TMEM17: variants seen among roughly 807,000 people sequenced by gnomAD.
The protein encoded by TMEM17 is transmembrane protein 17.
TMEM17 carries 15 observed loss-of-function variants against 19.1 expected under a neutral mutation model. The ratio of observed to expected loss-of-function variants is 0.78; its 90% CI spans 0.52 to 1.21. The LOEUF (loss-of-function observed/expected upper bound fraction) is 1.21, where lower values mean the gene tolerates loss of function less well. Among genes scored for constraint, TMEM17 ranks in the 50% most tolerant of loss-of-function variants. The probability of loss-of-function intolerance (pLI) is 0.00; values close to 1 mark genes in which losing one functional copy is unlikely to be tolerated. For synonymous variants in TMEM17, 103 were observed against 86.9 expected, an observed-to-expected ratio of 1.19 and a Z score of -1.03; for missense variants, 245 against 242.3, an observed-to-expected ratio of 1.01 and a Z score of -0.07.
chr2:62,453,996 C>T, the TMEM17 span, among the ~76,000 whole-genome samples: 1 of 152,248 alleles, frequency 6.6e-6, no homozygotes, highest in Non-Finnish European at 1.5e-5. Flanking sequence ...ACATTCTCTG[C>T]AGTGCCAGGC....
At chr2:62,474,900 A>G in the TMEM17 span, among the ~76,000 whole-genome samples, 3 of 152,290 alleles carry the variant, frequency 2.0e-5, no homozygotes, top group Admixed American at 1.3e-4. Flanking sequence ...AACTTCAGAT[A>G]ATAATAATGA....
chr2:62,467,393 T>G, the TMEM17 span, among the ~76,000 whole-genome samples: 25 of 152,210 alleles, frequency 1.6e-4, no homozygotes, highest in Non-Finnish European at 3.1e-4. Flanking sequence ...CTTGCGAAAG[T>G]CCCACAAAAA....
At chr2:62,484,851 G>A in the TMEM17 span, among the ~76,000 whole-genome samples, 1 of 152,320 alleles carries the variant, frequency 6.6e-6, no homozygotes, top group Admixed American at 6.5e-5. Context: ...ATACTATAGA[G>A]TGAGCTGGTG....
chr2:62,493,609 G>GGT, the TMEM17 span, among the ~76,000 whole-genome samples: 1 of 152,150 alleles, frequency 6.6e-6, no homozygotes, highest in African/African-American at 2.4e-5. Flanking sequence ...GTTGGAGAAG[G>GGT]GTGTGTGTGC....
the TMEM17 span, among the ~76,000 whole-genome samples, chr2:62,487,525 A>G: frequency 6.6e-6 from 1 of 152,212 alleles, no homozygotes; most frequent in African/African-American, 2.4e-5. Context: ...GCCCACCATG[A>G]TAATAAGCCC....
the TMEM17 span, among the ~76,000 whole-genome samples, chr2:62,488,474 T>A: frequency 1.4e-5 from 2 of 144,906 alleles, no homozygotes; most frequent in Non-Finnish European, 3.0e-5. Flanking sequence ...ACTTTTTTTT[T>A]AAATAAAGGA....
the TMEM17 span, among the ~76,000 whole-genome samples, chr2:62,489,656 AC>A: frequency 6.6e-6 from 1 of 152,194 alleles, no homozygotes; most frequent in Non-Finnish European, 1.5e-5. Context: ...TGTTTTTATA[AC>A]ATAGGGGGCT....
At chr2:62,472,013 C>T in the TMEM17 span, among the ~76,000 whole-genome samples, 3 of 152,198 alleles carry the variant, frequency 2.0e-5, no homozygotes, top group African/African-American at 7.2e-5. Context: ...CAGCCCAAAG[C>T]CCCAGGAGCA....
intron 1 of TMEM17, among the ~76,000 whole-genome samples, chr2:62,505,313 G>A (rs1476162302): frequency 1.3e-5 from 2 of 152,196 alleles, no homozygotes; most frequent in Non-Finnish European, 2.9e-5. Flanking sequence ...CAAGTTAAAG[G>A]ACGCAGAAGC....
At chr2:62,479,889 CAAA>C in the TMEM17 span, among the ~76,000 whole-genome samples, 16 of 68,874 alleles carry the variant, frequency 2.3e-4, no homozygotes, top group African/African-American at 6.3e-4. Context: ...AGACCTGTCT[CAAA>C]AAAAAAAAAA....
chr2:62,489,563 T>C, the TMEM17 span, among the ~76,000 whole-genome samples: 1 of 152,210 alleles, frequency 6.6e-6, no homozygotes, highest in Non-Finnish European at 1.5e-5. Flanking sequence ...TATGCTTATT[T>C]GGGCTTGCTT....
chr2:62,473,940 G>C, the TMEM17 span, among the ~76,000 whole-genome samples: 1 of 152,092 alleles, frequency 6.6e-6, no homozygotes, highest in African/African-American at 2.4e-5. Context: ...AGAGGGGCTG[G>C]GTGTGAGTCT....
the TMEM17 span, among the ~76,000 whole-genome samples, chr2:62,487,750 A>C: frequency 3.3e-5 from 5 of 152,224 alleles, no homozygotes; most frequent in African/African-American, 1.2e-4. Flanking sequence ...GCTGGAGTGC[A>C]GTGGTGCGAT....
the TMEM17 span, among the ~76,000 whole-genome samples, chr2:62,492,161 G>T: frequency 6.6e-6 from 1 of 152,200 alleles, no homozygotes; most frequent in Non-Finnish European, 1.5e-5. Context: ...TTTGGAGCAT[G>T]TGTTTAGAGA....
the TMEM17 span, among the ~76,000 whole-genome samples, chr2:62,459,321 T>C: frequency 2.6e-5 from 4 of 152,352 alleles, no homozygotes; most frequent in African/African-American, 9.6e-5. Context: ...CTTACTTACG[T>C]CACTGAAATC....
chr2:62,491,613 T>C, the TMEM17 span: 3 of 152,196 alleles, frequency 2.0e-5, no homozygotes, highest in Non-Finnish European at 4.4e-5. Flanking sequence ...GTGATCTTGG[T>C]TAACTTATTA....
chr2:62,489,001 C>T, the TMEM17 span, among the ~76,000 whole-genome samples: 1 of 152,150 alleles, frequency 6.6e-6, no homozygotes, highest in African/African-American at 2.4e-5. Context: ...GTGCCTTCCA[C>T]GGACACCCTT....
At chr2:62,484,656 G>A in the TMEM17 span, among the ~76,000 whole-genome samples, 17 of 152,058 alleles carry the variant, frequency 1.1e-4, no homozygotes, top group African/African-American at 1.9e-4. Flanking sequence ...GCTGACTTTC[G>A]TTCAGTTTGT....
the TMEM17 span, among the ~76,000 whole-genome samples, chr2:62,455,596 G>A: frequency 3.9e-5 from 6 of 152,176 alleles, no homozygotes; most frequent in African/African-American, 4.8e-5. Flanking sequence ...GTGAAAACCC[G>A]TCTTTACTAA....
Sources: gnomAD v4.1 joint callset for allele counts (sites outside exome capture counted in the v4.1 genomes callset) on GRCh38, gnomAD v4.1.1 for gene constraint, MANE v1.5 for transcripts, NCBI Gene and HGNC (gene_info 2026-07-23, HGNC 2026-07-21) for gene names.